The following RIMKLB variants were observed in gnomAD, a reference collection of about 807,000 sequenced individuals.
RIMKLB encodes the protein beta-citrylglutamate synthase B.
Under a neutral mutation model 32.0 loss-of-function variants are expected in RIMKLB, and 7 were observed. That is an observed-to-expected ratio of 0.22 (90% CI 0.12 to 0.41). The LOEUF is 0.41. Among genes scored for constraint, RIMKLB ranks in the 10% least tolerant of loss-of-function variants. RIMKLB has a pLI of 1.00. For missense variants in RIMKLB, 289 were observed against 498.7 expected (o/e 0.58, Z 4.00); for synonymous variants, 172 against 185.1 (o/e 0.93, Z 0.57).
At chr12:8,711,460 G>A (rs1944368895) in intron 1 of RIMKLB, among the ~76,000 whole-genome samples, 1 of 151,772 alleles carries the variant, frequency 6.6e-6, no homozygotes, top group East Asian at 1.9e-4. Flanking sequence ...GCCAAGGCAC[G>A]GACATAGCTT....
At chr12:8,673,750 C>T in the RIMKLB span, among the ~76,000 whole-genome samples, 1 of 152,000 alleles carries the variant, frequency 6.6e-6, no homozygotes, top group Non-Finnish European at 1.5e-5. Flanking sequence ...TGCGTGCCAC[C>T]ATGCCTGGCT....
upstream of RIMKLB, among the ~76,000 whole-genome samples, chr12:8,696,857 A>C (rs1451789047): frequency 6.6e-6 from 1 of 152,212 alleles, no homozygotes; most frequent in African/African-American, 2.4e-5. Context: ...ACCAGCAAGA[A>C]GGCAAACTGG....
chr12:8,770,163 A>G (rs1341026903), intron 5 of RIMKLB, among the ~76,000 whole-genome samples: 25 of 152,120 alleles, frequency 1.6e-4, no homozygotes, highest in Admixed American at 1.4e-3. Context: ...GGGTTTCACC[A>G]TGTTTGCCAG....
chr12:8,693,432 T>C (rs1260999684), upstream of RIMKLB, among the ~76,000 whole-genome samples: 7 of 151,176 alleles, frequency 4.6e-5, no homozygotes, highest in Non-Finnish European at 8.8e-5. Context: ...AGTCTCATTC[T>C]GTCACCTAGA....
intron 4 of RIMKLB, among the ~76,000 whole-genome samples, chr12:8,753,178 G>T (rs1050512943): frequency 6.6e-6 from 1 of 152,220 alleles, no homozygotes; most frequent in South Asian, 2.1e-4. Flanking sequence ...GGCTTCTCCA[G>T]TAGAGCAGCC....
chr12:8,730,014 A>C (rs1210169633), intron 2 of RIMKLB, among the ~76,000 whole-genome samples: 3 of 152,202 alleles, frequency 2.0e-5, no homozygotes, highest in Non-Finnish European at 4.4e-5. Flanking sequence ...CCTTGGGATA[A>C]TACTGACACA....
At chr12:8,768,384 G>A (rs1387943066) in intron 5 of RIMKLB, among the ~76,000 whole-genome samples, 5 of 152,284 alleles carry the variant, frequency 3.3e-5, no homozygotes, top group East Asian at 1.9e-4. Flanking sequence ...TAACAAACAC[G>A]GACCACAAGT....
chr12:8,759,026 T>C (rs887950075), intron 5 of RIMKLB, among the ~76,000 whole-genome samples: 1 of 152,218 alleles, frequency 6.6e-6, no homozygotes, highest in Non-Finnish European at 1.5e-5. Flanking sequence ...CCTGTGAATA[T>C]GCTTTGCTTT....
intron 5 of RIMKLB, among the ~76,000 whole-genome samples, chr12:8,755,268 A>ATT (rs747735639): frequency 7.0e-6 from 1 of 142,838 alleles, no homozygotes; most frequent in Admixed American, 7.0e-5. Context: ...AATTTTTTAC[A>ATT]TTTTTTTTTT....
chr12:8,709,796 G>A (rs760431775), intron 1 of RIMKLB, among the ~76,000 whole-genome samples: 1 of 152,072 alleles, frequency 6.6e-6, no homozygotes, highest in South Asian at 2.1e-4. Context: ...TGTTATAATT[G>A]TTCTATTTTA....
chr12:8,704,643 G>A (rs1460296042), intron 1 of RIMKLB, among the ~76,000 whole-genome samples: 2 of 152,160 alleles, frequency 1.3e-5, no homozygotes, highest in African/African-American at 2.4e-5. Flanking sequence ...TCTGTTAAGT[G>A]TTCCCTGACT....
intron 5 of RIMKLB, 22 bp from the exon 6 acceptor site, chr12:8,773,299 C>T: frequency 6.6e-7 from 1 of 1,520,138 alleles, no homozygotes; most frequent in East Asian, 2.3e-5. Context: ...TTGTTAATTT[C>T]CTGTCTTGTT....
chr12:8,702,966 G>A (rs1765662524), intron 1 of RIMKLB, among the ~76,000 whole-genome samples: 1 of 152,148 alleles, frequency 6.6e-6, no homozygotes, highest in Admixed American at 6.6e-5. Flanking sequence ...TTTGATGTAA[G>A]TTTCTTCTAT....
At position 8,775,295 on chromosome 12, in the gene RIMKLB, C is replaced by CAATACTGTCCACTCTTTA. The variant is rs1950666749; in HGVS notation, c.*1512_*1529dup. 2 of 985,120 alleles carry CAATACTGTCCACTCTTTA rather than the reference C, an allele frequency of 2.0e-6. No individual in the cohort carries two copies. Among genetic ancestry groups the CAATACTGTCCACTCTTTA allele is most frequent in the East Asian group, 2.3e-4 (2 of 8,832 alleles). The allele number at this position is 985,120 out of a possible 1,614,324, so 61.0% of individuals were successfully genotyped here. ...TCTTATAGCCCTACTCTTAAGCCTT[C>CAATACTGTCCACTCTTTA]AATACTGTCCACTCTTTATATTCCT... On this transcript the variant is annotated 3_prime_UTR_variant, in exon 6 of 6. Transcript: ENST00000535829.
chr12:8,778,693 A>G (rs1950874323), downstream of RIMKLB, among the ~76,000 whole-genome samples: 1 of 152,118 alleles, frequency 6.6e-6, no homozygotes, highest in Non-Finnish European at 1.5e-5. Context: ...TATACTTCCT[A>G]AAGTTTTAGT....
chr12:8,709,096 G>A (rs1023924777), intron 1 of RIMKLB, among the ~76,000 whole-genome samples: 1 of 152,092 alleles, frequency 6.6e-6, no homozygotes, highest in South Asian at 2.1e-4. Context: ...TTTATGTTTC[G>A]CTACTGGAGA....
intron 2 of RIMKLB, chr12:8,714,254 T>G (rs1591695714): frequency 2.2e-6 from 1 of 455,882 alleles, no homozygotes; most frequent in East Asian, 3.8e-5. Context: ...AAAGGTGACC[T>G]TCAAAACAGA....
intron 2 of RIMKLB, among the ~76,000 whole-genome samples, chr12:8,748,219 G>C (rs1465859317): frequency 6.6e-6 from 1 of 152,090 alleles, no homozygotes; most frequent in Non-Finnish European, 1.5e-5. Context: ...GTCTTCCCTA[G>C]CCACAGTTTT....
chr12:8,721,591 T>C (rs1039769657), intron 2 of RIMKLB, among the ~76,000 whole-genome samples: 2 of 152,234 alleles, frequency 1.3e-5, no homozygotes, highest in African/African-American at 4.8e-5. Context: ...CTCTCAATTA[T>C]AGCTCTCTTG....
Sources: allele counts gnomAD v4.1 joint callset (sites outside exome capture counted in the v4.1 genomes callset), GRCh38; gene constraint gnomAD v4.1.1; transcripts MANE v1.5; gene names NCBI Gene and HGNC (gene_info 2026-07-23, HGNC 2026-07-21).